MAML3: variants seen among roughly 807,000 people sequenced by gnomAD.
MAML3 encodes mastermind-like protein 3.
A neutral mutation model predicts 101.9 loss-of-function variants in MAML3; 27 were observed. The observed-to-expected ratio is 0.27, with a 90% CI of 0.20 to 0.37. The LOEUF is 0.37. Among genes scored for constraint, MAML3 ranks in the 10% least tolerant of loss-of-function variants. The pLI is 1.00. For synonymous variants in MAML3, 501 were observed against 555.9 expected (o/e 0.90, Z 1.39); for missense variants, 1,316 against 1,444.9 (o/e 0.91, Z 1.45).
At chr4:140,100,306 T>A (rs1033554898) in intron 1 of MAML3, among the ~76,000 whole-genome samples, 2 of 152,236 alleles carry the variant, frequency 1.3e-5, no homozygotes, top group African/African-American at 2.4e-5. Context: ...TTATTTAAAC[T>A]TTTGTTCTCC....
chr4:139,821,478 C>T (rs1730972723), intron 2 of MAML3, among the ~76,000 whole-genome samples: 1 of 152,124 alleles, frequency 6.6e-6, no homozygotes, highest in African/African-American at 2.4e-5. Context: ...TGAAACCATC[C>T]CCCCGGCCGA....
At chr4:140,152,529 T>G (rs1394428539) in intron 1 of MAML3, among the ~76,000 whole-genome samples, 2 of 151,884 alleles carry the variant, frequency 1.3e-5, no homozygotes, top group Non-Finnish European at 2.9e-5. Flanking sequence ...GTTCACTCTT[T>G]CAAATCGGTA....
At chr4:139,998,826 A>G (rs1008812196) in intron 1 of MAML3, among the ~76,000 whole-genome samples, 1 of 152,012 alleles carries the variant, frequency 6.6e-6, no homozygotes, top group African/African-American at 2.4e-5. Flanking sequence ...GTCTCTTCTC[A>G]GCCTTTAAAA....
At chr4:140,137,820 C>G (rs1193668593) in intron 1 of MAML3, among the ~76,000 whole-genome samples, 4 of 152,200 alleles carry the variant, frequency 2.6e-5, no homozygotes, top group African/African-American at 9.7e-5. Flanking sequence ...GTCTGCAATC[C>G]TTTGACATTC....
chr4:139,848,029 G>C (rs534969268), intron 2 of MAML3, among the ~76,000 whole-genome samples: 2 of 152,250 alleles, frequency 1.3e-5, no homozygotes, highest in South Asian at 4.2e-4. Context: ...TATTGTAAGC[G>C]ACCCTGGGGT....
At chr4:139,796,972 A>T (rs996460416) in intron 2 of MAML3, among the ~76,000 whole-genome samples, 2 of 151,986 alleles carry the variant, frequency 1.3e-5, no homozygotes, top group African/African-American at 4.8e-5. Flanking sequence ...TTTCCCTTAA[A>T]CTCAATTTCC....
chr4:139,766,186 G>A (rs2111060372), intron 2 of MAML3, among the ~76,000 whole-genome samples: 1 of 148,866 alleles, frequency 6.7e-6, no homozygotes, highest in Admixed American at 6.7e-5. Context: ...GGGGGTGGGG[G>A]TGGGGGATGG....
At chr4:140,118,936 T>A (rs546242588) in intron 1 of MAML3, among the ~76,000 whole-genome samples, 1 of 152,292 alleles carries the variant, frequency 6.6e-6, no homozygotes, top group Non-Finnish European at 1.5e-5. Context: ...CTAAGTGTAA[T>A]CATTCAAACC....
At chr4:139,954,657 G>C (rs1733886808) in intron 1 of MAML3, among the ~76,000 whole-genome samples, 1 of 152,212 alleles carries the variant, frequency 6.6e-6, no homozygotes, top group African/African-American at 2.4e-5. Flanking sequence ...GGGGGTGGAT[G>C]CAAGAGATTC....
chr4:139,770,933 C>G (rs1011958313), intron 2 of MAML3, among the ~76,000 whole-genome samples: 7 of 152,104 alleles, frequency 4.6e-5, no homozygotes, highest in African/African-American at 1.7e-4. Flanking sequence ...GGGAACGCTG[C>G]CCAGAGGTTG....
At position 139,735,813 on chromosome 4, in the gene MAML3, C is replaced by T. The variant is rs2111006976; in HGVS notation, c.2080-5146G>A. On this transcript the variant is annotated intron_variant, in intron 2 of 4. Coordinates refer to ENST00000509479, the MANE Select transcript of MAML3 (RefSeq NM_018717.5). This position sits in a 1 kb window ranked among gnomAD's most constrained non-coding sequence, Gnocchi z 5.8. ...TAGACTGCCTCTCGGCGCAGGCGGC[C>T]CTAACAAAGAAGCCCACGAGGCGGT... Among the ~76,000 whole-genome samples, 1 of 152,202 alleles carries T rather than the reference C, an allele frequency of 6.6e-6. No homozygotes were observed. The highest frequency in any genetic ancestry group is 6.5e-5 in the Admixed American group (1 of 15,300).
At chr4:140,041,326 CAG>C (rs1727082899) in intron 1 of MAML3, among the ~76,000 whole-genome samples, 1 of 152,018 alleles carries the variant, frequency 6.6e-6, no homozygotes, top group African/African-American at 2.4e-5. Flanking sequence ...AGAAAGAGAA[CAG>C]AGAGTGGAAG....
intron 2 of MAML3, among the ~76,000 whole-genome samples, chr4:139,748,998 C>G (rs1005354745): frequency 3.3e-5 from 5 of 152,132 alleles, no homozygotes; most frequent in African/African-American, 1.2e-4. Context: ...CCTTGAAGTT[C>G]CAGAGGGCAC....
intron 2 of MAML3, among the ~76,000 whole-genome samples, chr4:139,776,005 TTTAAC>T (rs1439292578): frequency 6.6e-6 from 1 of 152,216 alleles, no homozygotes; most frequent in Non-Finnish European, 1.5e-5. Flanking sequence ...ACGGCTGCCA[TTTAAC>T]TTATTTATGG....
intron 1 of MAML3, among the ~76,000 whole-genome samples, chr4:140,107,971 T>G (rs770326563): frequency 2.7e-5 from 4 of 150,800 alleles, no homozygotes; most frequent in Non-Finnish European, 4.4e-5. Context: ...GGAACTACCA[T>G]GCAAATTAAC....
intron 1 of MAML3, among the ~76,000 whole-genome samples, chr4:139,920,918 G>A (rs1232848241): frequency 6.6e-6 from 1 of 152,152 alleles, no homozygotes; most frequent in Non-Finnish European, 1.5e-5. Context: ...CTGGAGAATA[G>A]GCCCTTGCAC....
Position 140,030,710 on chromosome 4 carries a change from TACAAGC to T in MAML3, c.468+122144_468+122149del, listed in dbSNP as rs1726893645. Among the ~76,000 whole-genome samples the T allele has an allele frequency of 3.3e-5, 5 of 152,284 alleles. No homozygotes were observed. In the East Asian group the frequency reaches 9.6e-4, roughly 29 times the overall value. ...ATCCCAGTCTCCCAGCTTGCGGAGA[TACAAGC>T]ACACACTTCCAAATGCTGCCAACTA... On this transcript the variant is annotated intron_variant, in intron 1 of 4. Transcript: ENST00000509479.
At position 139,866,587 on chromosome 4, in the gene MAML3, A is replaced by G. The variant is rs146065653; in HGVS notation, c.2079+22770T>C. The stretch of plus-strand genomic sequence containing the variant: ...TCAGACCCCGCCCAAGATGGAATCT[A>G]TTTGCGGCAGTAACCACAGACAGGT... On this transcript the variant is annotated intron_variant, in intron 2 of 4. Coordinates refer to ENST00000509479, the MANE Select transcript of MAML3 (RefSeq NM_018717.5). Among the ~76,000 whole-genome samples the G allele has an allele frequency of 9.9e-5, 15 of 152,280 alleles. No homozygotes were observed. The East Asian group carries it at 2.3e-3, about 23-fold the overall frequency.
chr4:139,838,242 A>G (rs1731294566), intron 2 of MAML3, among the ~76,000 whole-genome samples: 1 of 152,174 alleles, frequency 6.6e-6, no homozygotes, highest in South Asian at 2.1e-4. Flanking sequence ...GCTACTCTTA[A>G]TTGTGATATT....
Sources: allele counts gnomAD v4.1 joint callset (sites outside exome capture counted in the v4.1 genomes callset), GRCh38; gene constraint gnomAD v4.1.1; non-coding constraint Gnocchi (gnomAD v3.1); transcripts MANE v1.5; gene names NCBI Gene and HGNC (gene_info 2026-07-23, HGNC 2026-07-21).